PTK2: variants seen among roughly 807,000 people sequenced by gnomAD.
The protein encoded by PTK2 is focal adhesion kinase 1.
In PTK2, 45 loss-of-function variants were observed where a neutral mutation model predicts 150.1. The observed-to-expected ratio is 0.30, with a 90% CI of 0.24 to 0.38. The LOEUF is 0.38. Ranked by LOEUF, PTK2 falls within the 10% of genes least tolerant of loss-of-function variation. The pLI is 1.00. For synonymous variants in PTK2, 432 were observed against 449.2 expected (o/e 0.96, Z 0.48); for missense variants, 919 against 1,307.3 (o/e 0.70, Z 4.58).
intron 23 of PTK2, among the ~76,000 whole-genome samples, chr8:140,714,718 AC>A (rs1478627544): frequency 7.3e-6 from 1 of 137,908 alleles, no homozygotes; most frequent in East Asian, 2.2e-4. Flanking sequence ...AATTGCTTGA[AC>A]CCAGGAGGCA....
Position 140,769,593 on chromosome 8 carries a change from C to G in PTK2, c.1178-5303G>C, listed in dbSNP as rs764149698. 4 of 1,362,698 alleles carry G rather than the reference C, an allele frequency of 2.9e-6. No individual in the cohort carries two copies. The Admixed American group carries it at 7.6e-5, about 26-fold the overall frequency. The allele number at this position is 1,362,698 out of a possible 1,614,324, so 84.4% of individuals were successfully genotyped here. A position where few individuals can be genotyped will look rare whatever the true frequency, so the allele number is the denominator to read the frequency against. ...ATATTACCGTCCCCACTAATTTCAT[C>G]TGCAGATCCGGGTGGCATGCAAAGA... On this transcript the variant is annotated intron_variant, in intron 14 of 31. Coordinates refer to ENST00000522684, the Ensembl canonical transcript of PTK2.
chr8:140,720,298 A>C (rs2154290142), intron 22 of PTK2, among the ~76,000 whole-genome samples: 1 of 152,352 alleles, frequency 6.6e-6, no homozygotes, highest in African/African-American at 2.4e-5. Flanking sequence ...TGCCTGGCAC[A>C]TAGCTGACAC....
chr8:140,814,196 T>C (rs930927084), intron 10 of PTK2, among the ~76,000 whole-genome samples: 3 of 152,162 alleles, frequency 2.0e-5, no homozygotes, highest in African/African-American at 4.8e-5. Flanking sequence ...CAGCACCACA[T>C]GGATTCACAG....
chr8:140,932,282 T>C (rs961918424), intron 1 of PTK2, among the ~76,000 whole-genome samples: 1 of 152,174 alleles, frequency 6.6e-6, no homozygotes, highest in Non-Finnish European at 1.5e-5. Flanking sequence ...TAGTGCAATC[T>C]TGGCTCACTG....
intron 4 of PTK2, among the ~76,000 whole-genome samples, chr8:140,871,947 A>C (rs894317893): frequency 6.6e-6 from 1 of 152,052 alleles, no homozygotes; most frequent in Non-Finnish European, 1.5e-5. Context: ...AGTGGCTCAC[A>C]CCTATAATCC....
At chr8:140,845,052 T>G (rs1311404127) in intron 7 of PTK2, among the ~76,000 whole-genome samples, 1 of 152,164 alleles carries the variant, frequency 6.6e-6, no homozygotes. Context: ...CGTGTCTCCA[T>G]GGCCACTGCT....
intron 1 of PTK2, among the ~76,000 whole-genome samples, chr8:141,000,087 TCACACACACACACACACACACA>T (rs71310820): frequency 1.2e-5 from 1 of 81,648 alleles, no homozygotes. Flanking sequence ...TGAAACCAAT[TCACACACACACACACACACACA>T]CACACACACA....
At chr8:140,963,829 A>C (rs2100184243) in intron 1 of PTK2, among the ~76,000 whole-genome samples, 1 of 152,154 alleles carries the variant, frequency 6.6e-6, no homozygotes, top group Non-Finnish European at 1.5e-5. Flanking sequence ...CAAATAGAAT[A>C]TTCCAGGGGG....
intron 26 of PTK2, among the ~76,000 whole-genome samples, chr8:140,697,159 A>AGG (rs1374947838): frequency 1.3e-5 from 2 of 150,806 alleles, no homozygotes; most frequent in African/African-American, 2.4e-5. Flanking sequence ...AAAAAAAAAA[A>AGG]AAAGGAAAGG....
At chr8:140,743,801 A>G (rs1482910380) in intron 19 of PTK2, among the ~76,000 whole-genome samples, 5 of 147,944 alleles carry the variant, frequency 3.4e-5, no homozygotes, top group Non-Finnish European at 5.9e-5. Context: ...TTTTTGAGAC[A>G]GAGTCTCGCT....
intron 2 of PTK2, 143 bp from the exon 3 acceptor site, chr8:140,890,912 T>C (rs1426297695): frequency 1.3e-5 from 9 of 668,808 alleles, no homozygotes; most frequent in Non-Finnish European, 2.3e-5. Context: ...AGAGACCTAA[T>C]CCACTAAAAT....
chr8:140,772,916 T>C (rs1332406136), intron 14 of PTK2, among the ~76,000 whole-genome samples: 1 of 152,232 alleles, frequency 6.6e-6, no homozygotes, highest in African/African-American at 2.4e-5. Context: ...GGCTCAATTA[T>C]TCATTCTGAC....
At chr8:140,950,955 AC>A (rs1412116808) in intron 1 of PTK2, among the ~76,000 whole-genome samples, 1 of 152,036 alleles carries the variant, frequency 6.6e-6, no homozygotes, top group East Asian at 1.9e-4. Flanking sequence ...ATTAGGAGGT[AC>A]CTAATAATAT....
chr8:140,714,571 C>T (rs1285418129), intron 23 of PTK2, among the ~76,000 whole-genome samples: 1 of 151,326 alleles, frequency 6.6e-6, no homozygotes, highest in Non-Finnish European at 1.5e-5. Flanking sequence ...CTGAGGCGGG[C>T]AGATCACCTG....
chr8:140,901,510 T>G (rs2100158422), intron 2 of PTK2, among the ~76,000 whole-genome samples: 1 of 152,084 alleles, frequency 6.6e-6, no homozygotes, highest in African/African-American at 2.4e-5. Flanking sequence ...GAGAAAGTAT[T>G]TGCACCTACC....
chr8:140,848,610 T>A (rs1426320048), intron 5 of PTK2, among the ~76,000 whole-genome samples: 1 of 152,178 alleles, frequency 6.6e-6, no homozygotes, highest in African/African-American at 2.4e-5. Flanking sequence ...AATTAATTCA[T>A]TCAGTTAAGT....
At chr8:140,727,015 TAACTA>T (rs757315140) in intron 22 of PTK2, among the ~76,000 whole-genome samples, 19 of 152,188 alleles carry the variant, frequency 1.2e-4, no homozygotes, top group Non-Finnish European at 2.5e-4. Context: ...TGATTAACTC[TAACTA>T]AACTATGAAA....
At position 140,713,631 on chromosome 8, in the gene PTK2, A is replaced by G. The variant is rs2100037949; in HGVS notation, c.2142+3967T>C. Among the ~76,000 whole-genome samples the G allele has an allele frequency of 2.6e-5, 4 of 152,322 alleles. No individual in the cohort carries two copies. The South Asian group carries it at 6.2e-4, about 24-fold the overall frequency. ...ACACTTTGAGAATGGCTGTTCTAGG[A>G]TACTTTTATCCTGAGGCACTCTATT... On this transcript the variant is annotated intron_variant, in intron 23 of 31. Coordinates refer to ENST00000522684, the Ensembl canonical transcript of PTK2.
At chr8:140,915,904 AAAACAAACAAAC>A (rs71309000) in intron 2 of PTK2, among the ~76,000 whole-genome samples, 196 of 150,836 alleles carry the variant, frequency 1.3e-3, no homozygotes, top group African/African-American at 1.6e-3. Flanking sequence ...TCGGTCTCAA[AAAACAAACAAAC>A]AAACAAACAA....
Sources: allele counts gnomAD v4.1 joint callset (sites outside exome capture counted in the v4.1 genomes callset), GRCh38; gene constraint gnomAD v4.1.1; transcripts MANE v1.5; gene names NCBI Gene and HGNC (gene_info 2026-07-23, HGNC 2026-07-21).